Variants in CDH13 observed in about 807,000 individuals in gnomAD.
CDH13 encodes cadherin 13.
CDH13 carries 24 observed loss-of-function variants against 63.8 expected under a neutral mutation model. The observed-to-expected ratio is 0.38, with a 90% CI of 0.27 to 0.53. The LOEUF (loss-of-function observed/expected upper bound fraction) is 0.53, where lower values mean the gene tolerates loss of function less well. Ranked by LOEUF, CDH13 falls within the 20% of genes least tolerant of loss-of-function variation. The pLI is 0.85. For missense variants in CDH13, 1,049 were observed against 903.1 expected (o/e 1.16, Z -2.07); for synonymous variants, 503 against 355.3 (o/e 1.42, Z -4.67).
At chr16:83,756,883 A>G (rs1913555450) in intron 11 of CDH13, among the ~76,000 whole-genome samples, 1 of 152,240 alleles carries the variant, frequency 6.6e-6, no homozygotes, top group Admixed American at 6.5e-5. Flanking sequence ...AGAAAAAACA[A>G]CAAGGAGTAA....
chr16:83,712,066 C>A (rs953033834), intron 10 of CDH13, among the ~76,000 whole-genome samples: 1 of 152,190 alleles, frequency 6.6e-6, no homozygotes, highest in African/African-American at 2.4e-5. Context: ...GCCCTAATCT[C>A]TTCTCATGAG....
intron 11 of CDH13, among the ~76,000 whole-genome samples, chr16:83,752,613 G>C (rs1321120433): frequency 6.6e-6 from 1 of 152,178 alleles, no homozygotes; most frequent in African/African-American, 2.4e-5. Context: ...CCTTACAGCT[G>C]TTTCTCATCT....
intron 4 of CDH13, among the ~76,000 whole-genome samples, chr16:83,147,184 C>T (rs1360035279): frequency 6.6e-6 from 1 of 152,178 alleles, no homozygotes; most frequent in Non-Finnish European, 1.5e-5. Context: ...TCCACAGAAA[C>T]TGAGGGCCGT....
chr16:83,145,191 T>C (rs1395630869), intron 4 of CDH13, among the ~76,000 whole-genome samples: 1 of 152,216 alleles, frequency 6.6e-6, no homozygotes, highest in Non-Finnish European at 1.5e-5. Flanking sequence ...ATGAGCTGTT[T>C]GTCAGGGTGC....
intron 2 of CDH13, among the ~76,000 whole-genome samples, chr16:82,918,052 G>T (rs1450583850): frequency 6.6e-6 from 1 of 151,890 alleles, no homozygotes; most frequent in Non-Finnish European, 1.5e-5. Context: ...ATCACAAAAA[G>T]AGGTTTGTTT....
rs193301726 is a variant in CDH13, at chr16:83,369,299, C to G, written c.781+24293C>G. 2.8e-3 allele frequency among the ~76,000 whole-genome samples: 426 copies of G among 152,114 alleles called. 2 individuals are homozygous for G. The highest frequency in any genetic ancestry group is 9.8e-3 in the African/African-American group (406 of 41,516). Reference sequence around the variant, plus strand: ...AGTAGCAGTATATCTCTCCAACAAACAAGTCACCTGTTTTTTTTTCCTGAA... The same window carrying G: ...AGTAGCAGTATATCTCTCCAACAAAGAAGTCACCTGTTTTTTTTTCCTGAA... On this transcript the variant is annotated intron_variant, in intron 6 of 13. Coordinates refer to ENST00000567109, the MANE Select transcript of CDH13 (RefSeq NM_001257.5).
intron 5 of CDH13, among the ~76,000 whole-genome samples, chr16:83,316,983 G>A (rs748392160): frequency 3.2e-4 from 49 of 152,240 alleles, no homozygotes; most frequent in Non-Finnish European, 6.5e-4. Context: ...GAACATAGCA[G>A]AGGGGTTCCT....
At chr16:82,888,535 G>A (rs1373687313) in intron 2 of CDH13, among the ~76,000 whole-genome samples, 2 of 152,166 alleles carry the variant, frequency 1.3e-5, no homozygotes, top group Non-Finnish European at 2.9e-5. Flanking sequence ...TGGTCGCCTG[G>A]ACAGAAAGCC....
intron 3 of CDH13, among the ~76,000 whole-genome samples, chr16:83,087,643 G>A (rs113008811): frequency 2.2e-5 from 3 of 133,680 alleles, no homozygotes; most frequent in African/African-American, 8.7e-5. Flanking sequence ...ACTCCAGCCC[G>A]GGCGACGAAG....
At chr16:82,688,700 A>G (rs1915333922) in intron 1 of CDH13, among the ~76,000 whole-genome samples, 1 of 152,236 alleles carries the variant, frequency 6.6e-6, no homozygotes, top group South Asian at 2.1e-4. Flanking sequence ...TGAGCATTCA[A>G]TTATTCTTAC....
At chr16:83,216,026 C>G (rs930350274) in intron 4 of CDH13, among the ~76,000 whole-genome samples, 2 of 151,228 alleles carry the variant, frequency 1.3e-5, no homozygotes, top group Admixed American at 6.6e-5. Flanking sequence ...TCAGCCTAAC[C>G]CTCTACATGC....
At chr16:83,496,868 C>T (rs910662162) in intron 7 of CDH13, among the ~76,000 whole-genome samples, 1 of 152,206 alleles carries the variant, frequency 6.6e-6, no homozygotes, top group African/African-American at 2.4e-5. Flanking sequence ...ACAGACACTT[C>T]TCAAAAGAAG....
chr16:83,181,794 T>C (rs2038355419), intron 4 of CDH13, among the ~76,000 whole-genome samples: 1 of 152,024 alleles, frequency 6.6e-6, no homozygotes, highest in Non-Finnish European at 1.5e-5. Context: ...TGTGCATGTG[T>C]GTGTGTATGT....
chr16:82,837,403 C>T lies in CDH13; in HGVS notation c.46-20959C>T, dbSNP rs181687290. On this transcript the variant is annotated intron_variant, in intron 1 of 13. Coordinates refer to ENST00000567109, the MANE Select transcript of CDH13 (RefSeq NM_001257.5). ...AGATCCATCATTTATGTCAGAGGTC[C>T]CCAAGACCACCCCCAGGTTCCTTGA... Among the ~76,000 whole-genome samples the T allele has an allele frequency of 2.6e-3, 394 of 151,784 alleles. 3 individuals are homozygous for T. The highest frequency in any genetic ancestry group is 9.2e-3 in the African/African-American group (379 of 41,352).
intron 1 of CDH13, among the ~76,000 whole-genome samples, chr16:82,817,688 C>G (rs1407092440): frequency 1.3e-5 from 2 of 151,948 alleles, no homozygotes; most frequent in Admixed American, 6.6e-5. Flanking sequence ...ACCTGTAGTC[C>G]CAGCTACTCA....
chr16:83,475,314 G>A (rs1031826013), intron 6 of CDH13, among the ~76,000 whole-genome samples: 2 of 152,178 alleles, frequency 1.3e-5, no homozygotes, highest in African/African-American at 4.8e-5. Flanking sequence ...TGACTGAAGC[G>A]TTCAATGAGT....
chr16:82,717,027 G>C (rs1294458254), intron 1 of CDH13, among the ~76,000 whole-genome samples: 1 of 152,032 alleles, frequency 6.6e-6, no homozygotes, highest in Admixed American at 6.6e-5. Context: ...AGCTGAGCTT[G>C]GCCAGATGCT....
chr16:83,611,287 A>G (rs1598367406), intron 8 of CDH13, among the ~76,000 whole-genome samples: 2 of 151,866 alleles, frequency 1.3e-5, no homozygotes, highest in East Asian at 1.9e-4. Flanking sequence ...ATGAATTCCA[A>G]TGTTGGTTGA....
intron 6 of CDH13, among the ~76,000 whole-genome samples, chr16:83,384,810 T>C (rs2091640703): frequency 6.6e-6 from 1 of 152,262 alleles, no homozygotes; most frequent in African/African-American, 2.4e-5. Flanking sequence ...TTAAGTACTC[T>C]CAGATAAATC....
Sources: gnomAD v4.1 joint callset for allele counts (sites outside exome capture counted in the v4.1 genomes callset) on GRCh38, gnomAD v4.1.1 for gene constraint, MANE v1.5 for transcripts, NCBI Gene and HGNC (gene_info 2026-07-23, HGNC 2026-07-21) for gene names.